The following NRXN1 variants were observed in gnomAD, a reference collection of about 807,000 sequenced individuals.
NRXN1 encodes the protein neurexin 1, also known as neurexin-1.
Under a neutral mutation model 150.9 loss-of-function variants are expected in NRXN1, and 39 were observed. The observed-to-expected ratio is 0.26, with a 90% confidence interval of 0.20 to 0.34. NRXN1 has a LOEUF of 0.34. NRXN1 is among the 10% of genes least tolerant of loss of function. The probability of loss-of-function intolerance (pLI) is 1.00; values close to 1 mark genes in which losing one functional copy is unlikely to be tolerated. For synonymous variants in NRXN1, 924 were observed against 757.0 expected, an observed-to-expected ratio of 1.22 and a Z score of -3.62; for missense variants, 1,815 against 1,949.9, an observed-to-expected ratio of 0.93 and a Z score of 1.30.
At chr2:50,770,062 C>G (rs1574416217) in intron 5 of NRXN1, among the ~76,000 whole-genome samples, 1 of 152,190 alleles carries the variant, frequency 6.6e-6, no homozygotes, top group South Asian at 2.1e-4. Context: ...CAATCCAATG[C>G]TGCCATTAAC....
chr2:50,264,624 T>A (rs1186564624), intron 17 of NRXN1, among the ~76,000 whole-genome samples: 3 of 152,086 alleles, frequency 2.0e-5, no homozygotes, highest in East Asian at 3.8e-4. Context: ...TAGGCTGTCA[T>A]GTTCTCCAGC....
intron 8 of NRXN1, among the ~76,000 whole-genome samples, chr2:50,604,721 T>C (rs930974554): frequency 6.6e-6 from 1 of 152,184 alleles, no homozygotes. Context: ...ACCATCCCTA[T>C]ACTGCGTTGC....
chr2:50,966,540 G>A (rs1694117260), intron 2 of NRXN1, among the ~76,000 whole-genome samples: 1 of 151,604 alleles, frequency 6.6e-6, no homozygotes, highest in South Asian at 2.1e-4. Context: ...CAGGTTAGAT[G>A]CTTTAATGGG....
intron 17 of NRXN1, among the ~76,000 whole-genome samples, chr2:50,392,084 C>A (rs965614773): frequency 3.3e-5 from 5 of 152,136 alleles, no homozygotes; most frequent in Non-Finnish European, 7.4e-5. Context: ...TCTTGAACTA[C>A]TATCTGTTCA....
chr2:50,203,954 G>C (rs991425440), intron 18 of NRXN1, among the ~76,000 whole-genome samples: 1 of 152,010 alleles, frequency 6.6e-6, no homozygotes, highest in African/African-American at 2.4e-5. Flanking sequence ...CCAAATCTGA[G>C]AGAAAAATTT....
intron 2 of NRXN1, among the ~76,000 whole-genome samples, chr2:50,988,348 T>C (rs541914479): frequency 6.6e-6 from 1 of 152,084 alleles, no homozygotes; most frequent in East Asian, 1.9e-4. Flanking sequence ...TTACATTTAT[T>C]TTTTCCCCAA....
At chr2:49,968,850 C>A (rs1262895752) in intron 21 of NRXN1, among the ~76,000 whole-genome samples, 2 of 151,916 alleles carry the variant, frequency 1.3e-5, no homozygotes, top group Non-Finnish European at 2.9e-5. Flanking sequence ...TAGTTTTATG[C>A]CTATTTGTCT....
intron 18 of NRXN1, among the ~76,000 whole-genome samples, chr2:50,227,162 G>GA (rs5831101): frequency 0.1 from 14,562 of 143,534 alleles, 804 homozygotes; most frequent in East Asian, 0.14. Flanking sequence ...ACAAAGACGG[G>GA]AAAAAAAAAA....
chr2:50,483,215 C>T (rs933268921), intron 15 of NRXN1, among the ~76,000 whole-genome samples: 1 of 152,016 alleles, frequency 6.6e-6, no homozygotes, highest in Non-Finnish European at 1.5e-5. Context: ...GCCATGTCAA[C>T]GTCAGGATCA....
intron 15 of NRXN1, among the ~76,000 whole-genome samples, chr2:50,476,558 C>CTG (rs34299846): frequency 0.91 from 138,403 of 151,968 alleles, 63,372 homozygotes; most frequent in African/African-American, 0.98. Context: ...ACTGGTATGG[C>CTG]TGTCAGTATA....
In NRXN1 at chr2:50,177,259, A is replaced by G. The variant is rs559926792; in HGVS notation, c.3546+59530T>C. ...TTTCAACTCTCATTCCCCTCCCACC[A>G]TCCTCCCTTTTGGAGTTTCCAGTGT... On this transcript the variant is annotated intron_variant, in intron 18 of 22. Coordinates refer to ENST00000401669, the MANE Select transcript of NRXN1 (RefSeq NM_001330078.2). Among the ~76,000 whole-genome samples the G allele has an allele frequency of 9.9e-5, 15 of 152,172 alleles. No homozygotes were observed. The South Asian group carries it at 2.7e-3, about 27-fold the overall frequency.
In NRXN1 at chr2:49,921,020, C is replaced by T. The variant is rs1252305615; in HGVS notation, c.*924G>A. 1 of 151,956 alleles carries T rather than the reference C, an allele frequency of 6.6e-6. No individual in the cohort carries two copies. The highest frequency in any genetic ancestry group is 6.6e-5 in the Admixed American group (1 of 15,200). The allele number at this position is 151,956 out of a possible 1,614,324, so 9.4% of individuals were successfully genotyped here. On this transcript the variant is annotated 3_prime_UTR_variant, in exon 23 of 23. Transcript: ENST00000401669. ...ATGGTGGCAAAAAAAAAGAAAAACCCAACTGAAATAATTGTTGCTCTGATG... is the reference window on the plus strand; with the variant it reads ...ATGGTGGCAAAAAAAAAGAAAAACCTAACTGAAATAATTGTTGCTCTGATG...
At chr2:50,685,719 G>T (rs1391428202) in intron 5 of NRXN1, among the ~76,000 whole-genome samples, 2 of 152,022 alleles carry the variant, frequency 1.3e-5, no homozygotes, top group South Asian at 4.1e-4. Context: ...CATCCTGTCA[G>T]TATCGTATTG....
chr2:50,274,724 T>C (rs2070205608), intron 17 of NRXN1, among the ~76,000 whole-genome samples: 1 of 152,124 alleles, frequency 6.6e-6, no homozygotes, highest in Non-Finnish European at 1.5e-5. Context: ...ATAGGCTGGC[T>C]GCCAAAGTCC....
intron 21 of NRXN1, among the ~76,000 whole-genome samples, chr2:49,995,861 T>TAAA (rs60974625): frequency 6.0e-5 from 4 of 66,170 alleles, no homozygotes; most frequent in African/African-American, 1.1e-4. Context: ...TGCTGGATAG[T>TAAA]AAAAAAAAAA....
intron 8 of NRXN1, among the ~76,000 whole-genome samples, chr2:50,561,588 C>T (rs2105396030): frequency 6.6e-6 from 1 of 152,262 alleles, no homozygotes; most frequent in East Asian, 1.9e-4. Context: ...AAGGAACAAA[C>T]TCTGCCATAG....
chr2:50,007,030 A>G (rs138423229), intron 21 of NRXN1, among the ~76,000 whole-genome samples: 1 of 152,168 alleles, frequency 6.6e-6, no homozygotes, highest in East Asian at 1.9e-4. Flanking sequence ...AGTCCCTTAC[A>G]AGTGTAAGTT....
At chr2:50,333,361 G>A (rs1340802580) in intron 17 of NRXN1, among the ~76,000 whole-genome samples, 2 of 152,136 alleles carry the variant, frequency 1.3e-5, no homozygotes, top group African/African-American at 4.8e-5. Context: ...ACAGGCTTGT[G>A]CAGATTTCAT....
intron 17 of NRXN1, among the ~76,000 whole-genome samples, chr2:50,419,734 C>T (rs1309560888): frequency 6.6e-6 from 1 of 152,110 alleles, no homozygotes; most frequent in African/African-American, 2.4e-5. Flanking sequence ...AATGTAAAAA[C>T]ATTAAAACAA....
Sources: allele counts gnomAD v4.1 joint callset (sites outside exome capture counted in the v4.1 genomes callset), GRCh38; gene constraint gnomAD v4.1.1; transcripts MANE v1.5; gene names NCBI Gene and HGNC (gene_info 2026-07-23, HGNC 2026-07-21).